ESRRG: variants seen among roughly 807,000 people sequenced by gnomAD.
The protein encoded by ESRRG is estrogen-related receptor gamma.
Under a neutral mutation model 44.0 loss-of-function variants are expected in ESRRG, and 13 were observed. That is an observed-to-expected ratio of 0.30 (90% confidence interval 0.19 to 0.47). The LOEUF (loss-of-function observed/expected upper bound fraction) is 0.47, where lower values mean the gene tolerates loss of function less well. Ranked by LOEUF, ESRRG falls within the 20% of genes least tolerant of loss-of-function variation. The probability of loss-of-function intolerance (pLI) is 1.00; values close to 1 mark genes in which losing one functional copy is unlikely to be tolerated. For synonymous variants in ESRRG, 215 were observed against 214.6 expected (o/e 1.00, Z -0.02); for missense variants, 395 against 580.6 (o/e 0.68, Z 3.29).
At chr1:216,686,652 G>C (rs1575302383) in intron 1 of ESRRG, among the ~76,000 whole-genome samples, 1 of 151,970 alleles carries the variant, frequency 6.6e-6, no homozygotes, top group African/African-American at 2.4e-5. Flanking sequence ...CTATACCAGG[G>C]TTTCTGCCGC....
intron 1 of ESRRG, among the ~76,000 whole-genome samples, chr1:217,043,955 C>A (rs558439630): frequency 6.6e-6 from 1 of 152,014 alleles, no homozygotes; most frequent in African/African-American, 2.4e-5. Context: ...CAGATTTTAA[C>A]TTTACCTTTC....
chr1:216,785,274 C>G (rs2147965784), intron 2 of ESRRG, among the ~76,000 whole-genome samples: 1 of 152,128 alleles, frequency 6.6e-6, no homozygotes, highest in Admixed American at 6.6e-5. Context: ...AATTAAGGCA[C>G]TTAATGTGGT....
chr1:216,747,567 T>A (rs1365788393), intron 2 of ESRRG, among the ~76,000 whole-genome samples: 1 of 152,202 alleles, frequency 6.6e-6, no homozygotes, highest in Non-Finnish European at 1.5e-5. Context: ...ACTGGGTATA[T>A]GGCCCACAAT....
chr1:216,569,855 G>A (rs1305762492), intron 3 of ESRRG, among the ~76,000 whole-genome samples: 1 of 152,128 alleles, frequency 6.6e-6, no homozygotes, highest in Non-Finnish European at 1.5e-5. Context: ...TATGCGACGG[G>A]CTCTGTAAAA....
At position 216,902,317 on chromosome 1, in the gene ESRRG, C is replaced by T. The variant is rs532566836; in HGVS notation, c.-14+37265G>A. ...CAGCCTTGCCAACATGGCAAAACCC[C>T]GTCTCTACTAAAAATACAAAAATTA... On this transcript the variant is annotated intron_variant, in intron 2 of 7. Transcript: ENST00000359162. Among the ~76,000 whole-genome samples the T allele has an allele frequency of 1.8e-4, 28 of 152,146 alleles. No individual in the cohort carries two copies. The South Asian group carries it at 2.3e-3, about 12-fold the overall frequency.
chr1:217,114,694 G>A (rs542920415), intron 1 of ESRRG, among the ~76,000 whole-genome samples: 151 of 137,622 alleles, frequency 1.1e-3, no homozygotes, highest in African/African-American at 3.8e-3. Context: ...TTTTTGAGAC[G>A]GAGTCTTGCT....
intron 1 of ESRRG, among the ~76,000 whole-genome samples, chr1:217,086,926 T>G (rs2092115668): frequency 6.8e-6 from 1 of 147,090 alleles, no homozygotes; most frequent in Admixed American, 7.0e-5. Flanking sequence ...AGACATTTTT[T>G]TTTTAAAAGA....
chr1:216,971,032 T>C (rs1345906614), intron 1 of ESRRG, among the ~76,000 whole-genome samples: 1 of 152,158 alleles, frequency 6.6e-6, no homozygotes, highest in Non-Finnish European at 1.5e-5. Flanking sequence ...AACCAAGTCA[T>C]TCAGGTGACA....
Position 216,506,646 on chromosome 1 carries a change from AG to A in ESRRG, c.*292del. On this transcript the variant is annotated 3_prime_UTR_variant, in exon 7 of 7. Transcript: ENST00000408911. Reference sequence around the variant, plus strand: ...AAGAAAATAAAGGAGAATGGGAACTAGGAATGAAAGAAGCAAAGAAATAAGG... The same window carrying A: ...AAGAAAATAAAGGAGAATGGGAACTAGAATGAAAGAAGCAAAGAAATAAGG... The A allele has an allele frequency of 1.9e-6, 1 of 518,540 alleles. No homozygotes were observed. Among genetic ancestry groups the A allele is most frequent in the Middle Eastern group, 2.9e-4 (1 of 3,412 alleles). 32.1% of individuals were successfully genotyped at this position (518,540 alleles called of 1,614,324 possible).
At chr1:216,579,873 T>A (rs2062406814) in intron 3 of ESRRG, among the ~76,000 whole-genome samples, 1 of 152,206 alleles carries the variant, frequency 6.6e-6, no homozygotes, top group Non-Finnish European at 1.5e-5. Context: ...TTCCTTGCAT[T>A]TTCCAAACTT....
chr1:216,831,774 CCTT>C (rs2095491461), intron 2 of ESRRG, among the ~76,000 whole-genome samples: 1 of 152,064 alleles, frequency 6.6e-6, no homozygotes, highest in South Asian at 2.1e-4. Context: ...ATTACTAAGA[CCTT>C]CTTTGGTTTT....
intron 1 of ESRRG, among the ~76,000 whole-genome samples, chr1:217,076,139 T>A (rs2151485142): frequency 6.6e-6 from 1 of 152,334 alleles, no homozygotes; most frequent in African/African-American, 2.4e-5. Context: ...AGTTCAGGTC[T>A]GTTTCACCTT....
At chr1:216,780,981 A>G (rs2093912780) in intron 2 of ESRRG, among the ~76,000 whole-genome samples, 1 of 152,038 alleles carries the variant, frequency 6.6e-6, no homozygotes, top group Admixed American at 6.6e-5. Flanking sequence ...GCTAAATTCA[A>G]CTAGTATAAT....
intron 3 of ESRRG, among the ~76,000 whole-genome samples, chr1:216,581,516 C>T (rs1232283220): frequency 2.0e-5 from 3 of 152,110 alleles, no homozygotes; most frequent in African/African-American, 7.2e-5. Flanking sequence ...AAGTTTCCCT[C>T]CCAAAAGAAC....
intron 2 of ESRRG, among the ~76,000 whole-genome samples, chr1:216,810,209 C>G (rs1380353275): frequency 6.6e-6 from 1 of 152,156 alleles, no homozygotes; most frequent in African/African-American, 2.4e-5. Context: ...CTGCACCAGA[C>G]ACTTCAAGAC....
intron 3 of ESRRG, among the ~76,000 whole-genome samples, chr1:216,595,054 GTACT>G (rs1158309212): frequency 3.9e-5 from 6 of 152,224 alleles, no homozygotes; most frequent in Non-Finnish European, 7.3e-5. Flanking sequence ...AATTCTGCAA[GTACT>G]TGTGTGAGAG....
At chr1:217,026,910 C>CAT (rs1414926581) in intron 1 of ESRRG, among the ~76,000 whole-genome samples, 55 of 97,188 alleles carry the variant, frequency 5.7e-4, no homozygotes, top group Non-Finnish European at 8.2e-4. Flanking sequence ...CACACACACA[C>CAT]ACAGAGAGAG....
intron 5 of ESRRG, among the ~76,000 whole-genome samples, chr1:216,521,991 GC>G (rs1558240866): frequency 6.6e-6 from 1 of 152,022 alleles, no homozygotes; most frequent in Non-Finnish European, 1.5e-5. Context: ...GTTGCACCGG[GC>G]CCCCTTTGTC....
intron 2 of ESRRG, among the ~76,000 whole-genome samples, chr1:216,799,475 G>A (rs907072843): frequency 1.3e-5 from 2 of 151,784 alleles, no homozygotes; most frequent in African/African-American, 4.8e-5. Context: ...GAGGCACAAT[G>A]AAGAGGGACC....
Sources: gnomAD v4.1 joint callset for allele counts (sites outside exome capture counted in the v4.1 genomes callset) on GRCh38, gnomAD v4.1.1 for gene constraint, MANE v1.5 for transcripts, NCBI Gene and HGNC (gene_info 2026-07-23, HGNC 2026-07-21) for gene names.